Variants in SEL1L2 observed in about 807,000 individuals in gnomAD.
SEL1L2 encodes the protein protein sel-1 homolog 2.
Under a neutral mutation model 98.8 loss-of-function variants are expected in SEL1L2, and 89 were observed. That is an observed-to-expected ratio of 0.90 (90% confidence interval 0.76 to 1.07). The LOEUF (loss-of-function observed/expected upper bound fraction) is 1.07, where lower values mean the gene tolerates loss of function less well. Among genes scored for constraint, SEL1L2 ranks in the 50% least tolerant of loss-of-function variants. SEL1L2 has a pLI of 0.00. For missense variants in SEL1L2, 788 were observed against 812.0 expected (o/e 0.97, Z 0.36); for synonymous variants, 262 against 278.5 (o/e 0.94, Z 0.59).
chr20:13,909,038 A>ATAATATAATAGATCT (rs1291434786), intron 5 of SEL1L2, among the ~76,000 whole-genome samples: 1 of 151,894 alleles, frequency 6.6e-6, no homozygotes, highest in African/African-American at 2.4e-5. Flanking sequence ...ATATTTCCTT[A>ATAATATAATAGATCT]TTTCTGACTG....
intron 5 of SEL1L2, 101 bp downstream of exon 5, chr20:13,913,681 T>G: frequency 9.0e-7 from 1 of 1,105,838 alleles, no homozygotes; most frequent in Non-Finnish European, 1.2e-6. Flanking sequence ...ACTGGGTTCA[T>G]GCAGCAGAGC....
chr20:13,922,969 C>G (rs1177307241), intron 3 of SEL1L2, among the ~76,000 whole-genome samples: 8 of 152,232 alleles, frequency 5.3e-5, no homozygotes, highest in Middle Eastern at 3.4e-3. Context: ...GTGGATGGCA[C>G]TAGAGGGTTA....
intron 12 of SEL1L2, among the ~76,000 whole-genome samples, chr20:13,873,359 T>C (rs2046290468): frequency 6.6e-6 from 1 of 151,896 alleles, no homozygotes; most frequent in Admixed American, 6.6e-5. Context: ...TTTATTTTTA[T>C]TTATTTATTT....
rs879200924 is a variant in SEL1L2 at position 13,868,849 on chromosome 20, C to T, written c.1255+654G>A. Among the ~76,000 whole-genome samples, 4 of 152,076 alleles carry T rather than the reference C, an allele frequency of 2.6e-5. No homozygotes were observed. The East Asian group carries it at 5.8e-4, about 22-fold the overall frequency. ...TCTCGAATTCGTGATCCGCCCGCCT[C>T]GGCCTCCCAAAGTGCTAGGATTACA... is the stretch of plus-strand genomic sequence containing the variant. On this transcript the variant is annotated intron_variant, in intron 14 of 19. Transcript: ENST00000284951.
At chr20:13,972,921 T>C (rs1256930922) in intron 1 of SEL1L2, among the ~76,000 whole-genome samples, 3 of 152,272 alleles carry the variant, frequency 2.0e-5, no homozygotes, top group African/African-American at 7.2e-5. Flanking sequence ...AATGTGAAAA[T>C]TTGAGTCTTT....
chr20:13,894,579 CA>C (rs1274489742), intron 5 of SEL1L2, among the ~76,000 whole-genome samples: 1 of 150,040 alleles, frequency 6.7e-6, no homozygotes, highest in Non-Finnish European at 1.5e-5. Flanking sequence ...AACAAACAAA[CA>C]AAAAATTAAC....
intron 14 of SEL1L2, among the ~76,000 whole-genome samples, chr20:13,867,716 G>A (rs950281786): frequency 4.6e-5 from 7 of 152,072 alleles, no homozygotes; most frequent in African/African-American, 1.4e-4. Flanking sequence ...TAAAACATAC[G>A]AAATGAGTTA....
Position 13,850,267 on chromosome 20 carries a change from T to C in SEL1L2, c.1871A>G (p.Asp624Gly). The C allele has an allele frequency of 6.2e-7, 1 of 1,614,106 alleles. No homozygotes were observed. Among genetic ancestry groups the C allele is most frequent in the Non-Finnish European group, 8.5e-7 (1 of 1,179,938 alleles). The stretch of plus-strand genomic sequence containing the variant: ...GGCAAAGAGCACAGGTATGTGGGCA[T>C]CTGGACTCGTTTGAGCAGCCATGTC... Reference protein sequence around the residue: ...LYDMAAQTSPDAHIPVLFAVM... With the variant: ...LYDMAAQTSPGAHIPVLFAVM... Residue 624 changes from aspartate (D) to glycine (G), a missense_variant, in exon 19 of 20, where the codon GAT (aspartate) becomes GGT (glycine). Coordinates refer to ENST00000284951, the MANE Select transcript of SEL1L2 (RefSeq NM_025229.2).
At chr20:13,946,763 C>T (rs900411380) in intron 2 of SEL1L2, among the ~76,000 whole-genome samples, 7 of 146,366 alleles carry the variant, frequency 4.8e-5, no homozygotes, top group Admixed American at 2.1e-4. Flanking sequence ...CTTGGAAGTG[C>T]CTGCTCCCAC....
intron 11 of SEL1L2, among the ~76,000 whole-genome samples, chr20:13,876,875 G>A (rs2046456228): frequency 6.6e-6 from 1 of 151,796 alleles, no homozygotes; most frequent in African/African-American, 2.4e-5. Flanking sequence ...CCAGGCTGGA[G>A]AGCAGTGGCG....
intron 1 of SEL1L2, among the ~76,000 whole-genome samples, chr20:13,956,361 A>G (rs942456801): frequency 1.3e-5 from 2 of 152,126 alleles, no homozygotes; most frequent in Non-Finnish European, 2.9e-5. Flanking sequence ...TACTTTAATC[A>G]AGCATTCTGA....
chr20:13,851,358 G>A (rs926977365), intron 18 of SEL1L2: 4 of 152,080 alleles, frequency 2.6e-5, no homozygotes, highest in East Asian at 1.9e-4. Context: ...TTATTCATTT[G>A]TTTGTCTCCA....
At chr20:13,885,318 CA>C (rs1568896045) in intron 10 of SEL1L2, 28 bp downstream of exon 10, 1 of 1,463,272 alleles carries the variant, frequency 6.8e-7, no homozygotes, top group Non-Finnish European at 9.6e-7. Flanking sequence ...TTCCCCACCC[CA>C]TTTGACTGGA....
chr20:13,985,738 C>T (rs1485845194), intron 1 of SEL1L2, among the ~76,000 whole-genome samples: 1 of 152,134 alleles, frequency 6.6e-6, no homozygotes, highest in African/African-American at 2.4e-5. Context: ...TTTATGCAAA[C>T]ATCCCACAAT....
chr20:13,891,140 G>A (rs998249876), intron 5 of SEL1L2, among the ~76,000 whole-genome samples: 20 of 152,086 alleles, frequency 1.3e-4, no homozygotes, highest in East Asian at 5.8e-4. Context: ...GAAGGAAATA[G>A]GCATCTAAAT....
At position 13,869,575 on chromosome 20, in the gene SEL1L2, G is replaced by A; in HGVS notation, c.1183C>T (p.Leu395Phe). 6.2e-7 allele frequency: 1 copy of A among 1,614,022 alleles called. No homozygotes were observed. The highest frequency in any genetic ancestry group is 8.5e-7 in the Non-Finnish European group (1 of 1,179,924). ...KGVPLNYAEA[L>F]KYFQKAAEKG... Reference sequence around the variant, plus strand: ...TCCGCAGCTTTCTGAAAGTATTTAAGTGCTTCGGCATAATTCTGCAAGATA... The same window carrying A: ...TCCGCAGCTTTCTGAAAGTATTTAAATGCTTCGGCATAATTCTGCAAGATA... The change falls in exon 14 of 20, where the codon CTT (leucine) becomes TTT (phenylalanine). Residue 395 changes from leucine to phenylalanine, a missense_variant. By Grantham distance (22) the Leu-to-Phe change is conservative. Coordinates refer to ENST00000284951, the MANE Select transcript of SEL1L2 (RefSeq NM_025229.2).
chr20:13,880,021 T>A (rs2046621159), intron 10 of SEL1L2, among the ~76,000 whole-genome samples: 1 of 152,228 alleles, frequency 6.6e-6, no homozygotes, highest in South Asian at 2.1e-4. Context: ...TGACTTATTT[T>A]GTCTCCTCCA....
intron 3 of SEL1L2, among the ~76,000 whole-genome samples, chr20:13,922,438 T>A (rs1029525765): frequency 3.9e-5 from 6 of 152,226 alleles, no homozygotes; most frequent in African/African-American, 1.4e-4. Context: ...GGATCGTTAT[T>A]CTTCTTCCAC....
At chr20:13,958,417 C>T (rs749440888) in intron 1 of SEL1L2, among the ~76,000 whole-genome samples, 49 of 152,200 alleles carry the variant, frequency 3.2e-4, no homozygotes, top group Non-Finnish European at 6.2e-4. Context: ...TGTTACACAT[C>T]ATTTTAATGG....
Sources: allele counts gnomAD v4.1 joint callset (sites outside exome capture counted in the v4.1 genomes callset), GRCh38; gene constraint gnomAD v4.1.1; transcripts MANE v1.5; gene names NCBI Gene and HGNC (gene_info 2026-07-23, HGNC 2026-07-21).